ZFP28: variants seen among roughly 807,000 people sequenced by gnomAD.
ZFP28 encodes ZFP28 zinc finger protein.
ZFP28 carries 31 observed loss-of-function variants against 39.5 expected under a neutral mutation model. The observed-to-expected ratio is 0.79, with a 90% CI of 0.59 to 1.06. ZFP28 has a LOEUF of 1.06. Ranked by LOEUF, ZFP28 falls within the 50% of genes least tolerant of loss-of-function variation. ZFP28 has a pLI of 0.00. For missense variants in ZFP28, 925 were observed against 1,048.4 expected, an observed-to-expected ratio of 0.88 and a Z score of 1.63; for synonymous variants, 400 against 378.6, an observed-to-expected ratio of 1.06 and a Z score of -0.66.
chr19:56,549,932 C>G (rs1372772939), intron 5 of ZFP28, 135 bp from the exon 6 acceptor site: 2 of 623,132 alleles, frequency 3.2e-6, no homozygotes, highest in Non-Finnish European at 5.7e-6. Flanking sequence ...ATTATTTGAC[C>G]TGGTGTACCA....
chr19:56,547,653 TTTCCCACCCCTC>T lies in ZFP28; in HGVS notation c.427+20_427+31del, dbSNP rs759090738. The T allele has an allele frequency of 1.8e-5, 29 of 1,599,236 alleles. No homozygotes were observed. The South Asian group carries it at 3.2e-4, about 17-fold the overall frequency. ...TCGCTGGGTAAGGGCTCCCACCCCT[TTTCCCACCCCTC>T]ACCCTACCCACGTCCTGGACTAAGA... On this transcript the variant is annotated intron_variant, in intron 3 of 7. Coordinates refer to ENST00000301318, the MANE Select transcript of ZFP28 (RefSeq NM_020828.2). This position sits in a 1 kb window ranked among gnomAD's most constrained non-coding sequence, Gnocchi z 4.6.
intron 5 of ZFP28, among the ~76,000 whole-genome samples, chr19:56,549,608 C>T (rs1266276968): frequency 3.0e-4 from 43 of 145,486 alleles, no homozygotes; most frequent in Admixed American, 4.1e-4. Context: ...ACCCGGGAGG[C>T]GGAGCTTGCA....
chr19:56,549,314 T>C (rs1483766356), intron 5 of ZFP28, among the ~76,000 whole-genome samples, 193 bp downstream of exon 5: 1 of 152,024 alleles, frequency 6.6e-6, no homozygotes, highest in African/African-American at 2.4e-5. Context: ...GAGGGGGAAA[T>C]TGAGTTGTAA....
chr19:56,538,866 C>A, upstream of ZFP28: 1 of 309,194 alleles, frequency 3.2e-6, no homozygotes, highest in Non-Finnish European at 4.1e-6. Flanking sequence ...GGGGCGCGGC[C>A]GGGGGCGGGG....
rs746734643 is a variant in ZFP28, at chr19:56,553,650, A to G, written c.899-34A>G. On this transcript the variant is annotated intron_variant, in intron 7 of 7. Coordinates refer to ENST00000301318, the MANE Select transcript of ZFP28 (RefSeq NM_020828.2). ...CAGATTCCTTTTTCCTAGCACACGA[A>G]AAAGGAAATATGTGTTTTCTTGGTA... 1.3e-5 allele frequency: 20 copies of G among 1,528,968 alleles called. No homozygotes were observed. The Admixed American group carries it at 3.2e-4, about 24-fold the overall frequency. 94.7% of individuals were successfully genotyped at this position (1,528,968 alleles called of 1,614,324 possible).
intron 6 of ZFP28, 64 bp from the exon 7 acceptor site, chr19:56,550,446 A>C: frequency 2.2e-6 from 3 of 1,371,636 alleles, no homozygotes; most frequent in Non-Finnish European, 3.1e-6. Context: ...TCAACAAGGA[A>C]GTGGTTCTCA....
chr19:56,539,027 G>A lies in ZFP28; in HGVS notation c.9G>A (p.Gly3=), dbSNP rs968237714. The A allele has an allele frequency of 5.9e-5, 84 of 1,435,220 alleles. No individual in the cohort carries two copies. Among genetic ancestry groups the A allele is most frequent in the Non-Finnish European group, 6.7e-5 (74 of 1,101,428 alleles). The allele number at this position is 1,435,220 out of a possible 1,614,324, so 88.9% of individuals were successfully genotyped here. A position where few individuals can be genotyped will look rare whatever the true frequency, so the allele number is the denominator to read the frequency against. The change falls in exon 1 of 8, where the codon GGG becomes GGA. Residue 3 remains glycine (G), a synonymous_variant. Transcript: ENST00000301318. The part of the protein sequence containing the change: MR[G]AASASVREPT... ...GCGCGGCCTCGGGTGACATGCGGGGGGCGGCGAGCGCGAGTGTCCGCGAGC... is the reference window on the plus strand; with the variant it reads ...GCGCGGCCTCGGGTGACATGCGGGGAGCGGCGAGCGCGAGTGTCCGCGAGC...
intron 5 of ZFP28, among the ~76,000 whole-genome samples, chr19:56,549,541 C>G (rs2074943): frequency 0.53 from 78,992 of 150,170 alleles, 21,820 homozygotes; most frequent in African/African-American, 0.71. Context: ...GCCGGGCGTG[C>G]TGGCGGGCGC....
intron 6 of ZFP28, 97 bp downstream of exon 6, chr19:56,550,278 G>A: frequency 8.1e-7 from 1 of 1,239,034 alleles, no homozygotes; most frequent in South Asian, 1.4e-5. Context: ...GGTGTCTTCT[G>A]ACATGCTGGC....
intron 1 of ZFP28, 101 bp from the exon 2 acceptor site, chr19:56,539,524 A>T: frequency 9.8e-7 from 1 of 1,025,196 alleles, no homozygotes; most frequent in Non-Finnish European, 1.5e-6. Context: ...AGGCAGGGTA[A>T]TGATCTGATC....
At position 56,548,992 on chromosome 19, in the gene ZFP28, T is replaced by C. The variant is rs2044268309; in HGVS notation, c.558T>C (p.Pro186=). The C allele has an allele frequency of 1.9e-6, 3 of 1,613,906 alleles. No homozygotes were observed. The highest frequency in any genetic ancestry group is 2.5e-6 in the Non-Finnish European group (3 of 1,179,992). The change falls in exon 5 of 8, where the codon CCT becomes CCC. Residue 186 remains proline, a synonymous_variant. Transcript: ENST00000301318. ...LKAVWKIKEL[P]LKKDFCEGKL... ...CTGTGTGGAAGATCAAGGAGTTACCTCTCAAGAAGGACTTCTGCGAAGGAA... is the reference window on the plus strand; with the variant it reads ...CTGTGTGGAAGATCAAGGAGTTACCCCTCAAGAAGGACTTCTGCGAAGGAA...
chr19:56,540,729 A>G (rs902391018), intron 2 of ZFP28, among the ~76,000 whole-genome samples: 15 of 152,206 alleles, frequency 9.9e-5, no homozygotes, highest in Admixed American at 9.2e-4. Context: ...TAAAGTAGCC[A>G]AAGACAATAT....
rs1041583569 is a variant in ZFP28, at chr19:56,556,350, G to A, written c.*958G>A. 6.6e-6 allele frequency: 1 copy of A among 152,202 alleles called. No homozygotes were observed. Among genetic ancestry groups the A allele is most frequent in the Non-Finnish European group, 1.5e-5 (1 of 68,046 alleles). 9.4% of individuals were successfully genotyped at this position (152,202 alleles called of 1,614,324 possible). On this transcript the variant is annotated 3_prime_UTR_variant, in exon 8 of 8. Transcript: ENST00000301318. Reference sequence around the variant, plus strand: ...CAGCAGAGTTGAGCAGTTGTGACAGGAGACCATGTGGCCTGCAGAGCCCAA... The same window carrying A: ...CAGCAGAGTTGAGCAGTTGTGACAGAAGACCATGTGGCCTGCAGAGCCCAA...
rs185660360 is a variant in ZFP28 at position 56,539,123 on chromosome 19, T to G, written c.105T>G (p.Thr35=). 5.1e-6 allele frequency: 8 copies of G among 1,581,602 alleles called. No individual in the cohort carries two copies. In the Admixed American group the frequency reaches 1.2e-4, roughly 24 times the overall value. The stretch of plus-strand genomic sequence containing the variant: ...CGGGCCGAGGCCCGACTGTAGGGAC[T>G]CCAGCCACCTTGGCCCTCCCTGCCC... The part of the protein sequence containing the change: ...PRAGRGPTVG[T]PATLALPARG... The change falls in exon 1 of 8, where the codon ACT becomes ACG. Residue 35 remains threonine, a synonymous_variant. Coordinates refer to ENST00000301318, the MANE Select transcript of ZFP28 (RefSeq NM_020828.2).
intron 2 of ZFP28, among the ~76,000 whole-genome samples, chr19:56,544,353 A>G (rs1600541297): frequency 1.3e-5 from 2 of 152,270 alleles, no homozygotes; most frequent in African/African-American, 4.8e-5. Flanking sequence ...AGAAGAATAC[A>G]TGAAAATTAA....
rs774654066 is a variant in ZFP28, at chr19:56,547,591, C to A, written c.384C>A (p.Tyr128Ter). 11 of 1,613,634 alleles carry A rather than the reference C, an allele frequency of 6.8e-6. No homozygotes were observed. The highest frequency in any genetic ancestry group is 5.9e-6 in the Non-Finnish European group (7 of 1,179,756). The change falls in exon 3 of 8, where the codon TAC (tyrosine) becomes TAA (stop). Residue 128 changes from tyrosine (Y) to a stop codon, truncating the protein, a stop_gained. Coordinates refer to ENST00000301318, the MANE Select transcript of ZFP28 (RefSeq NM_020828.2). LOFTEE classifies it high-confidence loss of function. The surrounding 1 kb of genome is among the most constrained non-coding windows in gnomAD (Gnocchi z 4.6). Reference protein sequence around the residue: ...EWLNPIQRNLYRKVMLENYRN... With the variant: ...EWLNPIQRNL ...TGAACCCCATTCAGAGGAACTTGTA[C>A]AGGAAGGTGATGTTGGAGAACTACA...
At position 56,548,943 on chromosome 19, in the gene ZFP28, CTTT is replaced by C. The variant is rs2044267447; in HGVS notation, c.524-14_524-12del. On this transcript the variant is annotated splice_polypyrimidine_tract_variant and intron_variant, in intron 4 of 7. Transcript: ENST00000301318. ...ACATGATAAAAGATAAATTTACCTT[CTTT>C]ACGTCTTTCAGACTTGAAGGCTGTG... 1 of 1,602,782 alleles carries C rather than the reference CTTT, an allele frequency of 6.2e-7. No homozygotes were observed. The highest frequency in any genetic ancestry group is 1.3e-5 in the African/African-American group (1 of 74,356).
intron 5 of ZFP28, 51 bp from the exon 6 acceptor site, chr19:56,550,016 G>C: frequency 6.8e-7 from 1 of 1,475,128 alleles, no homozygotes; most frequent in South Asian, 1.2e-5. Flanking sequence ...CTGAGACCAG[G>C]TGAGTTCACG....
Position 56,555,275 on chromosome 19 carries a change from T to C in ZFP28, c.2490T>C (p.His830=), listed in dbSNP as rs370265382. The C allele has an allele frequency of 3.7e-6, 6 of 1,614,076 alleles. No individual in the cohort carries two copies. In the African/African-American group the frequency reaches 8.0e-5, roughly 22 times the overall value. Residue 830 remains histidine, a synonymous_variant, in exon 8 of 8, where the codon CAT becomes CAC. Transcript: ENST00000301318. ...TCAGGCAAACTGCTCACTTAGCTCA[T>C]CATCAGCGAATTCATACTGGAGAGT... ...KVFRQTAHLA[H]HQRIHTGESS...
Sources: gnomAD v4.1 joint callset for allele counts (sites outside exome capture counted in the v4.1 genomes callset) on GRCh38, gnomAD v4.1.1 for gene constraint, Gnocchi (gnomAD v3.1) non-coding constraint, MANE v1.5 for transcripts, NCBI Gene and HGNC (gene_info 2026-07-23, HGNC 2026-07-21) for gene names.